Variants in CYFIP2 observed in about 807,000 individuals in gnomAD.
CYFIP2 encodes the protein cytoplasmic FMR1-interacting protein 2.
In CYFIP2, 29 loss-of-function variants were observed where a neutral mutation model predicts 158.7. The observed-to-expected ratio is 0.18, with a 90% confidence interval of 0.14 to 0.25. CYFIP2 has a LOEUF of 0.25. Among genes scored for constraint, CYFIP2 ranks in the 10% least tolerant of loss-of-function variants. CYFIP2 has a pLI of 1.00. For missense variants in CYFIP2, 852 were observed against 1,639.5 expected, an observed-to-expected ratio of 0.52 and a Z score of 8.29; for synonymous variants, 585 against 617.6, an observed-to-expected ratio of 0.95 and a Z score of 0.78.
At chr5:157,380,293 CT>C (rs1383296411) in intron 26 of CYFIP2, 1 of 152,206 alleles carries the variant, frequency 6.6e-6, no homozygotes, top group Non-Finnish European at 1.5e-5. Flanking sequence ...TTTGTTAGTC[CT>C]GCAAAGGCAG....
intron 9 of CYFIP2, among the ~76,000 whole-genome samples, chr5:157,309,202 T>C (rs1436242093): frequency 1.3e-5 from 2 of 152,214 alleles, no homozygotes; most frequent in Non-Finnish European, 2.9e-5. Context: ...CTTGGCATAG[T>C]ACCTAGTGCA....
intron 24 of CYFIP2, 146 bp from the exon 25 acceptor site, chr5:157,360,135 AG>A: frequency 1.8e-6 from 1 of 560,622 alleles, no homozygotes; most frequent in Non-Finnish European, 3.0e-6. Context: ...AGTCTTATAA[AG>A]GCTTATTTTC....
chr5:157,286,962 A>T lies in CYFIP2; in HGVS notation c.118-57A>T. On this transcript the variant is annotated intron_variant, in intron 2 of 30. Transcript: ENST00000620254. ...GCAGCAGTTTGCCCTCTGGACACCC[A>T]GCCAACTTGGAACTGTTTTCTAACA... 4.1e-6 allele frequency: 6 copies of T among 1,458,022 alleles called. No individual in the cohort carries two copies. The South Asian group carries it at 7.2e-5, about 17-fold the overall frequency. 90.3% of individuals were successfully genotyped at this position (1,458,022 alleles called of 1,614,324 possible).
chr5:157,332,619 C>T (rs1302753025), intron 20 of CYFIP2, among the ~76,000 whole-genome samples: 3 of 152,148 alleles, frequency 2.0e-5, no homozygotes, highest in Admixed American at 1.3e-4. Flanking sequence ...GGTGCATGCA[C>T]GTAGTTGTCA....
chr5:157,321,362 T>C (rs1160914206), intron 15 of CYFIP2, among the ~76,000 whole-genome samples: 1 of 152,184 alleles, frequency 6.6e-6, no homozygotes, highest in African/African-American at 2.4e-5. Context: ...TTCCACATCC[T>C]TCCAAAAGTG....
chr5:157,293,014 G>A lies in CYFIP2; in HGVS notation c.208-1769G>A, dbSNP rs368376975. On this transcript the variant is annotated intron_variant, in intron 3 of 30. Transcript: ENST00000620254. ...GAAGCTGGGATTTGAGCCCAGATAT[G>A]TATGTATGTATGTATGTATGTATGT... is the stretch of plus-strand genomic sequence containing the variant. Among the ~76,000 whole-genome samples the A allele has an allele frequency of 1.7e-4, 7 of 42,370 alleles. No homozygotes were observed. The South Asian group carries it at 2.6e-3, about 16-fold the overall frequency. The allele number at this position is 42,370 out of a possible 152,430, so 27.8% of individuals were successfully genotyped here. A position where few individuals can be genotyped will look rare whatever the true frequency, so the allele number is the denominator to read the frequency against.
rs73815852 is a variant in CYFIP2 at position 157,347,377 on chromosome 5, G to A, written c.2673+6220G>A. On this transcript the variant is annotated intron_variant, in intron 23 of 30. Coordinates refer to ENST00000620254, the MANE Select transcript of CYFIP2 (RefSeq NM_001037333.3). ...TTGGCCAAAGGTCTCCGGGAGGCTTGGAGTCTTGGGAACTCGGGAACAAGC... is the reference window on the plus strand; with the variant it reads ...TTGGCCAAAGGTCTCCGGGAGGCTTAGAGTCTTGGGAACTCGGGAACAAGC... Among the ~76,000 whole-genome samples, 242 of 151,790 alleles carry A rather than the reference G, an allele frequency of 1.6e-3. 1 individual carries two copies. Among genetic ancestry groups the A allele is most frequent in the African/African-American group, 5.5e-3 (229 of 41,338 alleles).
At position 157,309,791 on chromosome 5, in the gene CYFIP2, A is replaced by G. The variant is rs1341817209; in HGVS notation, c.949A>G (p.Arg317Gly). The G allele has an allele frequency of 6.2e-7, 1 of 1,607,242 alleles. No homozygotes were observed. Among genetic ancestry groups the G allele is most frequent in the South Asian group, 1.1e-5 (1 of 89,380 alleles). ...LFGDMQIELA[R>G]YIKTSAHYEE... ...CGGCGACATGCAGATAGAGCTGGCCAGATACATTAAGACCAGTGCTCACTA... is the reference window on the plus strand; with the variant it reads ...CGGCGACATGCAGATAGAGCTGGCCGGATACATTAAGACCAGTGCTCACTA... The change falls in exon 10 of 31, where the codon AGA (arginine) becomes GGA (glycine). Residue 317 changes from arginine (R) to glycine (G), a missense_variant. By Grantham distance (125) the Arg-to-Gly change is moderately radical. This residue lies in a region of CYFIP2 where 133 missense variants were observed against 197.1 expected (regional missense o/e 0.67). Transcript: ENST00000620254.
intron 1 of CYFIP2, chr5:157,271,267 A>G (rs1237390443): frequency 6.6e-6 from 1 of 152,200 alleles, no homozygotes; most frequent in Non-Finnish European, 1.5e-5. Flanking sequence ...GGTCTGCATG[A>G]TCCTTAACAC....
intron 5 of CYFIP2, among the ~76,000 whole-genome samples, chr5:157,299,390 A>G (rs887004072): frequency 6.6e-6 from 1 of 152,038 alleles, no homozygotes; most frequent in Non-Finnish European, 1.5e-5. Flanking sequence ...CAGGGCCTTC[A>G]CACTGACCAT....
chr5:157,287,167 G>C, intron 3 of CYFIP2, 59 bp downstream of exon 3: 1 of 1,426,966 alleles, frequency 7.0e-7, no homozygotes, highest in Non-Finnish European at 9.8e-7. Flanking sequence ...CAGGGGCCGC[G>C]GGCAGCTTCT....
intron 2 of CYFIP2, 60 bp from the exon 3 acceptor site, chr5:157,286,959 C>T: frequency 7.0e-7 from 1 of 1,422,452 alleles, no homozygotes; most frequent in Non-Finnish European, 9.8e-7. Flanking sequence ...CCTCTGGACA[C>T]CCAGCCAACT....
intron 26 of CYFIP2, among the ~76,000 whole-genome samples, chr5:157,370,101 G>A (rs1262066143): frequency 6.6e-6 from 1 of 152,010 alleles, no homozygotes; most frequent in Non-Finnish European, 1.5e-5. Context: ...GGCTGGTCTT[G>A]AACTCCTGAC....
chr5:157,302,035 A>G (rs991485943), intron 6 of CYFIP2, among the ~76,000 whole-genome samples: 6 of 152,208 alleles, frequency 3.9e-5, no homozygotes, highest in African/African-American at 1.4e-4. Flanking sequence ...ACAACTTTAC[A>G]AAGTTTTTAT....
intron 9 of CYFIP2, among the ~76,000 whole-genome samples, chr5:157,308,977 G>A (rs1042875481): frequency 2.0e-5 from 3 of 152,130 alleles, no homozygotes; most frequent in Non-Finnish European, 2.9e-5. Flanking sequence ...CAAGGGTATC[G>A]GCTCTGTAGC....
intron 16 of CYFIP2, 146 bp downstream of exon 16, chr5:157,324,220 A>C: frequency 1.0e-6 from 1 of 991,236 alleles, no homozygotes; most frequent in Admixed American, 3.0e-5. Flanking sequence ...AAACACATAC[A>C]CTTTCCAGTG....
chr5:157,290,905 A>C (rs1757771775), intron 3 of CYFIP2, among the ~76,000 whole-genome samples: 1 of 152,208 alleles, frequency 6.6e-6, no homozygotes, highest in African/African-American at 2.4e-5. Flanking sequence ...TACGTAAACC[A>C]CATAACTGAC....
At chr5:157,287,724 A>C (rs920764572) in intron 3 of CYFIP2, among the ~76,000 whole-genome samples, 8 of 152,136 alleles carry the variant, frequency 5.3e-5, no homozygotes, top group African/African-American at 1.9e-4. Flanking sequence ...GGCTCCATAG[A>C]CCTTTGACAC....
At chr5:157,318,734 T>C (rs1760351858) in intron 13 of CYFIP2, among the ~76,000 whole-genome samples, 1 of 152,250 alleles carries the variant, frequency 6.6e-6, no homozygotes, top group African/African-American at 2.4e-5. Context: ...CTGGGCCCTG[T>C]CCTGTGTATT....
Sources: gnomAD v4.1 joint callset for allele counts (sites outside exome capture counted in the v4.1 genomes callset) on GRCh38, gnomAD v4.1.1 for gene constraint, gnomAD v4.1.1 regional missense constraint, MANE v1.5 for transcripts, NCBI Gene and HGNC (gene_info 2026-07-23, HGNC 2026-07-21) for gene names.